USP28: variants seen among roughly 807,000 people sequenced by gnomAD.
The protein encoded by USP28 is ubiquitin carboxyl-terminal hydrolase 28.
A neutral mutation model predicts 145.0 loss-of-function variants in USP28; 113 were observed. The ratio of observed to expected loss-of-function variants is 0.78; its 90% confidence interval spans 0.67 to 0.91. The LOEUF is 0.91. Ranked by LOEUF, USP28 falls within the 40% of genes least tolerant of loss-of-function variation. USP28 has a pLI of 0.00. For synonymous variants in USP28, 447 were observed against 450.9 expected, an observed-to-expected ratio of 0.99 and a Z score of 0.11; for missense variants, 1,201 against 1,289.6, an observed-to-expected ratio of 0.93 and a Z score of 1.05.
chr11:113,808,977 C>A, intron 17 of USP28, 86 bp downstream of exon 17: 1 of 1,348,010 alleles, frequency 7.4e-7, no homozygotes, highest in Non-Finnish European at 1.0e-6. Flanking sequence ...GTGGCATCAC[C>A]TAGCCAGCTG....
chr11:113,856,490 A>G (rs1335356772), intron 1 of USP28, among the ~76,000 whole-genome samples: 1 of 152,222 alleles, frequency 6.6e-6, no homozygotes, highest in Non-Finnish European at 1.5e-5. Flanking sequence ...AGCAAGTATT[A>G]ACTAATTTAA....
At chr11:113,844,162 C>T (rs1945544992) in intron 3 of USP28, among the ~76,000 whole-genome samples, 1 of 151,992 alleles carries the variant, frequency 6.6e-6, no homozygotes, top group Non-Finnish European at 1.5e-5. Flanking sequence ...AAGAGACAGC[C>T]GGGCATGGTG....
intron 11 of USP28, 126 bp downstream of exon 11, chr11:113,827,107 C>G: frequency 3.3e-6 from 4 of 1,217,234 alleles, no homozygotes; most frequent in Non-Finnish European, 4.5e-6. Flanking sequence ...TCAACCTAGA[C>G]TCATAGAATC....
At position 113,846,302 on chromosome 11, in the gene USP28, G is replaced by A. The variant is rs372758053; in HGVS notation, c.269-4534C>T. Reference sequence around the variant, plus strand: ...ACTGTACATTTAAGTAGTTAAGATGGCAAACTGTATGTTTTACCAAAAAAG... The same window carrying A: ...ACTGTACATTTAAGTAGTTAAGATGACAAACTGTATGTTTTACCAAAAAAG... On this transcript the variant is annotated intron_variant, in intron 3 of 24. Transcript: ENST00000003302. Among the ~76,000 whole-genome samples the A allele has an allele frequency of 2.8e-4, 42 of 152,244 alleles. No individual in the cohort carries two copies. The East Asian group carries it at 7.9e-3, about 29-fold the overall frequency.
chr11:113,845,156 C>A (rs552565051), intron 3 of USP28, among the ~76,000 whole-genome samples: 1 of 147,852 alleles, frequency 6.8e-6, no homozygotes, highest in Non-Finnish European at 1.5e-5. Context: ...AAATAAAATA[C>A]GGCCAGGCAT....
Position 113,859,977 on chromosome 11 carries a change from T to C in USP28, c.58-5642A>G, listed in dbSNP as rs149552050. Among the ~76,000 whole-genome samples the C allele has an allele frequency of 3.4e-3, 524 of 152,326 alleles. 4 individuals carry two copies. The highest frequency in any genetic ancestry group is 0.018 in the Admixed American group (282 of 15,308). On this transcript the variant is annotated intron_variant, in intron 1 of 24. Transcript: ENST00000003302. ...CTGCTACTCAGTGGTTTTGGTGCAATCTAGCCCACTTCTCAGGAAGGAGAT... is the reference window on the plus strand; with the variant it reads ...CTGCTACTCAGTGGTTTTGGTGCAACCTAGCCCACTTCTCAGGAAGGAGAT...
chr11:113,868,759 C>T (rs1245578044), intron 1 of USP28, among the ~76,000 whole-genome samples: 1 of 149,650 alleles, frequency 6.7e-6, no homozygotes, highest in Non-Finnish European at 1.5e-5. Flanking sequence ...CCCATCTCTA[C>T]AAAAACTAAA....
chr11:113,848,753 C>G (rs1312156880), intron 3 of USP28, among the ~76,000 whole-genome samples: 2 of 152,158 alleles, frequency 1.3e-5, no homozygotes, highest in African/African-American at 2.4e-5. Context: ...AAACAGAAGG[C>G]ATGTAAACTT....
intron 11 of USP28, among the ~76,000 whole-genome samples, chr11:113,824,465 C>T (rs957537810): frequency 1.3e-5 from 2 of 151,692 alleles, no homozygotes; most frequent in Admixed American, 1.3e-4. Context: ...TTACAGGTGC[C>T]CATCACCAAG....
chr11:113,830,856 A>T lies in USP28; in HGVS notation c.910+11T>A. 1 of 1,612,538 alleles carries T rather than the reference A, an allele frequency of 6.2e-7. No individual in the cohort carries two copies. The highest frequency in any genetic ancestry group is 2.2e-5 in the East Asian group (1 of 44,842). On this transcript the variant is annotated intron_variant, in intron 9 of 24. Transcript: ENST00000003302. ...AAGGTCTAGAATTAAAATTCAGAGCAGAGAATTTACCTTCACGAACCCCTT... is the reference window on the plus strand; with the variant it reads ...AAGGTCTAGAATTAAAATTCAGAGCTGAGAATTTACCTTCACGAACCCCTT...
chr11:113,819,777 T>C (rs1048268423), intron 12 of USP28, among the ~76,000 whole-genome samples: 1 of 152,074 alleles, frequency 6.6e-6, no homozygotes, highest in Non-Finnish European at 1.5e-5. Flanking sequence ...TGGGGTGCAA[T>C]GGCGTGATCT....
intron 1 of USP28, among the ~76,000 whole-genome samples, chr11:113,863,774 T>C (rs1947967514): frequency 6.9e-6 from 1 of 145,486 alleles, no homozygotes; most frequent in African/African-American, 2.6e-5. Context: ...TGAAACCCTG[T>C]CTCTACTAAA....
intron 2 of USP28, among the ~76,000 whole-genome samples, chr11:113,853,987 C>T (rs1202541621): frequency 6.6e-6 from 1 of 151,680 alleles, no homozygotes; most frequent in Non-Finnish European, 1.5e-5. Context: ...ATTTAGTTTG[C>T]TGGTTTGGAT....
At chr11:113,838,003 A>G (rs76436881) in intron 5 of USP28, among the ~76,000 whole-genome samples, 9,856 of 152,194 alleles carry the variant, frequency 0.065, 351 homozygotes, top group African/African-American at 0.084. Context: ...AGGAAAAAAA[A>G]AAAGACTAGA....
rs184696627 is a variant in USP28, at chr11:113,799,151, C to T, written c.*89G>A. The stretch of plus-strand genomic sequence containing the variant: ...TCGGAATCTTATGTGCCCACCTAAT[C>T]CTTTTCCCAAGGTGAGCACTATGAC... On this transcript the variant is annotated 3_prime_UTR_variant, in exon 25 of 25. Coordinates refer to ENST00000003302, the Ensembl canonical transcript of USP28. 770 of 1,420,294 alleles carry T rather than the reference C, an allele frequency of 5.4e-4. 3 individuals carry two copies. In the Middle Eastern group the frequency reaches 0.013, roughly 24 times the overall value. 88.0% of individuals were successfully genotyped at this position (1,420,294 alleles called of 1,614,324 possible). A position where few individuals can be genotyped will look rare whatever the true frequency, so the allele number is the denominator to read the frequency against.
chr11:113,870,594 G>T (rs1342637220), intron 1 of USP28, among the ~76,000 whole-genome samples: 1 of 152,220 alleles, frequency 6.6e-6, no homozygotes, highest in Admixed American at 6.5e-5. Flanking sequence ...AACCTAACCT[G>T]CTGCTGCCTA....
intron 3 of USP28, among the ~76,000 whole-genome samples, chr11:113,843,092 C>T (rs767206019): frequency 3.9e-5 from 6 of 152,060 alleles, no homozygotes; most frequent in Non-Finnish European, 8.8e-5. Flanking sequence ...ATTAGCTGGG[C>T]ATGGTTGCAC....
chr11:113,865,295 T>G (rs1591494579), intron 1 of USP28, among the ~76,000 whole-genome samples: 1 of 152,206 alleles, frequency 6.6e-6, no homozygotes, highest in East Asian at 1.9e-4. Flanking sequence ...AGACAAATTC[T>G]AAAAGAGCTG....
Position 113,827,415 on chromosome 11 carries a change from A to C in USP28, c.1060-55T>G, listed in dbSNP as rs199704171. The C allele has an allele frequency of 1.1e-3, 1,651 of 1,511,376 alleles. 2 individuals carry two copies. Among genetic ancestry groups the C allele is most frequent in the Non-Finnish European group, 1.4e-3 (1,555 of 1,128,798 alleles). 93.6% of individuals were successfully genotyped at this position (1,511,376 alleles called of 1,614,324 possible). On this transcript the variant is annotated intron_variant, in intron 10 of 24. Transcript: ENST00000003302. ...AGAAAAATTAATTTTAGGAAATTAC[A>C]ATAACCAGATTTAAAATATCTCTCA... is the stretch of plus-strand genomic sequence containing the variant.
Sources: gnomAD v4.1 joint callset for allele counts (sites outside exome capture counted in the v4.1 genomes callset) on GRCh38, gnomAD v4.1.1 for gene constraint, MANE v1.5 for transcripts, NCBI Gene and HGNC (gene_info 2026-07-23, HGNC 2026-07-21) for gene names.